MSRA: variants seen among roughly 807,000 people sequenced by gnomAD.
MSRA encodes methionine sulfoxide reductase A.
Under a neutral mutation model 31.3 loss-of-function variants are expected in MSRA, and 54 were observed. The observed-to-expected ratio is 1.73, with a 90% CI of 1.39 to 2.17. The LOEUF is 2.17. MSRA is among the 30% of genes most tolerant of loss of function. The pLI, the probability that MSRA is intolerant of heterozygous loss-of-function variation, is 0.00. For synonymous variants in MSRA, 169 were observed against 116.5 expected, an observed-to-expected ratio of 1.45 and a Z score of -2.90; for missense variants, 507 against 300.9, an observed-to-expected ratio of 1.69 and a Z score of -5.07.
At chr8:10,281,890 T>G (rs1468326082) in intron 3 of MSRA, among the ~76,000 whole-genome samples, 1 of 152,076 alleles carries the variant, frequency 6.6e-6, no homozygotes, top group Non-Finnish European at 1.5e-5. Context: ...CGTTTCTAAT[T>G]ATATTTTTTT....
chr8:10,416,382 G>A (rs1808460508), intron 5 of MSRA, among the ~76,000 whole-genome samples: 2 of 152,202 alleles, frequency 1.3e-5, no homozygotes, highest in African/African-American at 2.4e-5. Context: ...CCCATGCCCG[G>A]GAAAGCCCAG....
intron 3 of MSRA, among the ~76,000 whole-genome samples, chr8:10,260,421 A>C (rs527253947): frequency 6.6e-6 from 1 of 152,158 alleles, no homozygotes; most frequent in Non-Finnish European, 1.5e-5. Context: ...ACAGAGGAGG[A>C]GGAAGCGGGG....
At chr8:10,305,229 T>C (rs1259985600) in intron 4 of MSRA, among the ~76,000 whole-genome samples, 1 of 152,150 alleles carries the variant, frequency 6.6e-6, no homozygotes, top group African/African-American at 2.4e-5. Flanking sequence ...TCAATGGTCT[T>C]ACTGTAGTAG....
chr8:10,345,494 A>G (rs1259859707), intron 5 of MSRA, among the ~76,000 whole-genome samples: 1 of 152,212 alleles, frequency 6.6e-6, no homozygotes, highest in Non-Finnish European at 1.5e-5. Flanking sequence ...CAGCACACAC[A>G]TACACAGACA....
chr8:10,066,571 T>C (rs1797464484), intron 1 of MSRA, among the ~76,000 whole-genome samples: 2 of 152,214 alleles, frequency 1.3e-5, no homozygotes, highest in Admixed American at 1.3e-4. Flanking sequence ...TTCACTGTTG[T>C]TACCCATGCT....
At chr8:10,187,754 C>T (rs1807176639) in intron 1 of MSRA, among the ~76,000 whole-genome samples, 1 of 152,164 alleles carries the variant, frequency 6.6e-6, no homozygotes, top group African/African-American at 2.4e-5. Context: ...ATTTGATAAA[C>T]ATCATGTTAC....
chr8:10,067,469 G>A (rs1267258259), intron 1 of MSRA, among the ~76,000 whole-genome samples: 1 of 152,168 alleles, frequency 6.6e-6, no homozygotes, highest in Non-Finnish European at 1.5e-5. Flanking sequence ...TGTTTTGGCA[G>A]TTATGAATAA....
intron 2 of MSRA, among the ~76,000 whole-genome samples, chr8:10,238,586 C>T (rs183683995): frequency 1.1e-4 from 17 of 152,056 alleles, no homozygotes; most frequent in East Asian, 5.8e-4. Context: ...ATGAATGGAG[C>T]GTAACAGAAA....
intron 3 of MSRA, among the ~76,000 whole-genome samples, chr8:10,247,750 G>A (rs935028221): frequency 3.3e-5 from 5 of 152,138 alleles, no homozygotes; most frequent in Admixed American, 1.3e-4. Flanking sequence ...TACACAGAAG[G>A]AGAGACGATT....
intron 1 of MSRA, among the ~76,000 whole-genome samples, chr8:10,107,891 G>T (rs1800000417): frequency 1.3e-5 from 2 of 152,164 alleles, no homozygotes; most frequent in African/African-American, 4.8e-5. Context: ...AAGACCTCCA[G>T]AGAGAGCATC....
At chr8:10,129,945 A>G (rs1256674152) in intron 1 of MSRA, among the ~76,000 whole-genome samples, 2 of 152,194 alleles carry the variant, frequency 1.3e-5, no homozygotes, top group Non-Finnish European at 2.9e-5. Flanking sequence ...CATAAAATAT[A>G]TAGAAGCAAC....
chr8:10,370,943 G>C (rs1357703542), intron 5 of MSRA, among the ~76,000 whole-genome samples: 1 of 152,292 alleles, frequency 6.6e-6, no homozygotes, highest in East Asian at 1.9e-4. Context: ...CACGCTCGTG[G>C]GCAGGTCATG....
At chr8:10,166,236 A>G (rs972926972) in intron 1 of MSRA, among the ~76,000 whole-genome samples, 1 of 152,184 alleles carries the variant, frequency 6.6e-6, no homozygotes, top group Non-Finnish European at 1.5e-5. Flanking sequence ...TTGGTTTCTC[A>G]GGTAGCAGGG....
intron 1 of MSRA, among the ~76,000 whole-genome samples, chr8:10,095,081 AT>A (rs1799060618): frequency 6.6e-6 from 1 of 152,228 alleles, no homozygotes. Flanking sequence ...TACGGTTTTA[AT>A]TTTAATCTGC....
At chr8:10,310,308 G>C (rs767020) in intron 4 of MSRA, among the ~76,000 whole-genome samples, 2 of 152,164 alleles carry the variant, frequency 1.3e-5, no homozygotes, top group African/African-American at 4.8e-5. Context: ...ATTCTTTTAA[G>C]AATTTCAGAA....
chr8:10,380,482 T>C (rs11997177), intron 5 of MSRA, among the ~76,000 whole-genome samples: 125,246 of 152,136 alleles, frequency 0.82, 52,751 homozygotes, highest in Non-Finnish European at 0.9. Context: ...TCCAAGGGAC[T>C]TATGAGAAAT....
chr8:10,141,459 G>T (rs146384456), intron 1 of MSRA, among the ~76,000 whole-genome samples: 2 of 152,244 alleles, frequency 1.3e-5, no homozygotes, highest in Non-Finnish European at 2.9e-5. Flanking sequence ...ACCCACACAG[G>T]CCCAGCCATC....
At chr8:10,320,609 C>G (rs1021452373) in intron 5 of MSRA, among the ~76,000 whole-genome samples, 1 of 152,184 alleles carries the variant, frequency 6.6e-6, no homozygotes, top group Admixed American at 6.5e-5. Context: ...TTTTTCTTCC[C>G]TCTGTATTAG....
intron 1 of MSRA, among the ~76,000 whole-genome samples, chr8:10,065,616 G>A (rs941100419): frequency 1.3e-5 from 2 of 152,164 alleles, no homozygotes; most frequent in African/African-American, 4.8e-5. Context: ...TTAACGTAAC[G>A]ATGGAACTCA....
Sources: gnomAD v4.1 joint callset for allele counts (sites outside exome capture counted in the v4.1 genomes callset) on GRCh38, gnomAD v4.1.1 for gene constraint, MANE v1.5 for transcripts, NCBI Gene and HGNC (gene_info 2026-07-23, HGNC 2026-07-21) for gene names.